PVT1: variants seen among roughly 807,000 people sequenced by gnomAD.
The protein encoded by PVT1 is Pvt1 oncogene.
chr8:127,987,357 C>A (rs1179944500), intron 3 of PVT1, among the ~76,000 whole-genome samples: 2 of 152,196 alleles, frequency 1.3e-5, no homozygotes, highest in Non-Finnish European at 2.9e-5. Context: ...AGCTGAGAAC[C>A]TTTGATGGAA....
intron 4 of PVT1, among the ~76,000 whole-genome samples, chr8:128,041,064 G>A (rs1416392756): frequency 6.8e-6 from 1 of 147,328 alleles, no homozygotes; most frequent in Non-Finnish European, 1.5e-5. Context: ...TGTGTTTTGT[G>A]CTTGTGTGTA....
intron 2 of PVT1, among the ~76,000 whole-genome samples, chr8:127,859,611 T>G (rs1364755138): frequency 6.6e-6 from 1 of 151,992 alleles, no homozygotes; most frequent in Middle Eastern, 3.2e-3. Flanking sequence ...CCCGCCAGAG[T>G]CCTGGCTGCC....
intron 3 of PVT1, among the ~76,000 whole-genome samples, chr8:127,956,922 C>T (rs903640326): frequency 6.6e-6 from 1 of 152,178 alleles, no homozygotes; most frequent in Non-Finnish European, 1.5e-5. Flanking sequence ...AATGGCCTGT[C>T]ATAGGCCTCA....
chr8:128,037,782 G>C (rs1474675418), intron 4 of PVT1, among the ~76,000 whole-genome samples: 1 of 152,188 alleles, frequency 6.6e-6, no homozygotes. Flanking sequence ...TGGTGGCTTA[G>C]AGCCCAGCAG....
At chr8:127,942,288 TG>T (rs1218024130) in intron 3 of PVT1, among the ~76,000 whole-genome samples, 2 of 152,212 alleles carry the variant, frequency 1.3e-5, no homozygotes, top group African/African-American at 4.8e-5. Flanking sequence ...AGAATTTCCA[TG>T]GCTTGCCTAA....
At chr8:127,980,339 G>A (rs1194706875) in intron 3 of PVT1, among the ~76,000 whole-genome samples, 3 of 152,150 alleles carry the variant, frequency 2.0e-5, no homozygotes, top group African/African-American at 4.8e-5. Flanking sequence ...TGTCAGTCAC[G>A]ATTACTACCC....
At chr8:127,991,311 T>G (rs953657519) in intron 4 of PVT1, among the ~76,000 whole-genome samples, 5 of 151,768 alleles carry the variant, frequency 3.3e-5, no homozygotes, top group Admixed American at 3.3e-4. Flanking sequence ...CCTGGCTACT[T>G]TTTTTTGTAT....
At position 127,809,052 on chromosome 8, in the gene PVT1, A is replaced by AAAAAAAAAAAG. The variant is rs1554588311; in HGVS notation, n.372+12984_372+12985insAAAAAAAGAAA. Among the ~76,000 whole-genome samples, 18 of 135,106 alleles carry AAAAAAAAAAAG rather than the reference A, an allele frequency of 1.3e-4. 2 individuals carry two copies. The highest frequency in any genetic ancestry group is 4.6e-4 in the African/African-American group (15 of 32,682). The allele number at this position is 135,106 out of a possible 152,430, so 88.6% of individuals were successfully genotyped here. On this transcript the variant is annotated intron_variant and non_coding_transcript_variant, in intron 2 of 10. Transcript: ENST00000651587. ...CTCAAAAAAAAAAAAAAAAAAAAAA[A>AAAAAAAAAAAG]AAAGAAAGAAAAAAAAGAAAAAGAA... is the stretch of plus-strand genomic sequence containing the variant.
Position 127,807,137 on chromosome 8 carries a change from A to G in PVT1, n.372+11066A>G, listed in dbSNP as rs60071670. ...TGGAAACATGTGCAGCCCCGTTCCT[A>G]GGTAAGATTGAGAATTCACAGTTCG... On this transcript the variant is annotated intron_variant and non_coding_transcript_variant, in intron 2 of 10. Coordinates refer to ENST00000651587, the Ensembl canonical transcript of PVT1. 6.2e-3 allele frequency among the ~76,000 whole-genome samples: 948 copies of G among 152,304 alleles called. 12 individuals are homozygous for G. Among genetic ancestry groups the G allele is most frequent in the African/African-American group, 0.022 (905 of 41,550 alleles).
intron 2 of PVT1, among the ~76,000 whole-genome samples, chr8:127,825,604 G>C (rs1814778365): frequency 6.6e-6 from 1 of 152,122 alleles, no homozygotes; most frequent in African/African-American, 2.4e-5. Flanking sequence ...CTGCTACGTG[G>C]GGTACGACCA....
At chr8:128,040,153 G>A (rs1472942930) in intron 4 of PVT1, among the ~76,000 whole-genome samples, 1 of 152,220 alleles carries the variant, frequency 6.6e-6, no homozygotes, top group Non-Finnish European at 1.5e-5. Context: ...ACTCAGACAT[G>A]TGATCAAATA....
At chr8:128,038,710 CT>C (rs1221473378) in intron 4 of PVT1, among the ~76,000 whole-genome samples, 1 of 152,118 alleles carries the variant, frequency 6.6e-6, no homozygotes, top group African/African-American at 2.4e-5. Context: ...CAAAAATATG[CT>C]CTGCAGTAGG....
At chr8:127,878,723 T>A (rs769943737) in intron 2 of PVT1, among the ~76,000 whole-genome samples, 1 of 152,212 alleles carries the variant, frequency 6.6e-6, no homozygotes, top group Non-Finnish European at 1.5e-5. Context: ...TTCCCATAAC[T>A]TTTAGGTGCC....
chr8:128,065,193 A>AT (rs766697541), intron 4 of PVT1, among the ~76,000 whole-genome samples: 37 of 93,580 alleles, frequency 4.0e-4, no homozygotes, highest in African/African-American at 1.3e-3. Flanking sequence ...CTTCTTTTTT[A>AT]TTTTTTATTT....
At chr8:127,855,298 T>G (rs1815149180) in intron 2 of PVT1, 2 of 398,410 alleles carry the variant, frequency 5.0e-6, no homozygotes, top group East Asian at 7.1e-5. Flanking sequence ...GCTGGGGGCC[T>G]TGGCTGTAAG....
At chr8:128,057,091 C>G (rs1813770929) in intron 4 of PVT1, among the ~76,000 whole-genome samples, 1 of 152,136 alleles carries the variant, frequency 6.6e-6, no homozygotes, top group Non-Finnish European at 1.5e-5. Flanking sequence ...TGTGAGATAA[C>G]CAGACCACCC....
At chr8:127,882,026 C>G (rs188060522) in intron 2 of PVT1, among the ~76,000 whole-genome samples, 33 of 152,304 alleles carry the variant, frequency 2.2e-4, no homozygotes, top group African/African-American at 7.7e-4. Flanking sequence ...AGGCATGAGC[C>G]GCTGTGCCCG....
intron 3 of PVT1, among the ~76,000 whole-genome samples, chr8:127,972,506 G>A (rs575914775): frequency 3.3e-5 from 5 of 152,262 alleles, no homozygotes; most frequent in South Asian, 2.1e-4. Context: ...TTGGGAGACC[G>A]AGGTGGTCGG....
At chr8:128,080,886 G>T (rs1249424824) in intron 5 of PVT1, among the ~76,000 whole-genome samples, 1 of 152,180 alleles carries the variant, frequency 6.6e-6, no homozygotes. Flanking sequence ...TAATTTTTGT[G>T]AAGGGTTTAA....
Sources: gnomAD v4.1 joint callset for allele counts (sites outside exome capture counted in the v4.1 genomes callset) on GRCh38, gnomAD v4.1.1 for gene constraint, MANE v1.5 for transcripts, NCBI Gene and HGNC (gene_info 2026-07-23, HGNC 2026-07-21) for gene names.